Variants in DPP10 observed in about 807,000 individuals in gnomAD.
DPP10 encodes the protein inactive dipeptidyl peptidase 10.
Under a neutral mutation model 120.9 loss-of-function variants are expected in DPP10, and 33 were observed. The observed-to-expected ratio is 0.27, with a 90% CI of 0.21 to 0.37. The LOEUF is 0.37. Among genes scored for constraint, DPP10 ranks in the 10% least tolerant of loss-of-function variants. The probability of loss-of-function intolerance (pLI) is 1.00; values close to 1 mark genes in which losing one functional copy is unlikely to be tolerated. For synonymous variants in DPP10, 337 were observed against 326.1 expected (o/e 1.03, Z -0.36); for missense variants, 816 against 942.8 (o/e 0.87, Z 1.76).
intron 5 of DPP10, among the ~76,000 whole-genome samples, chr2:115,574,242 C>G (rs945825033): frequency 6.6e-6 from 1 of 152,130 alleles, no homozygotes; most frequent in Admixed American, 6.5e-5. Context: ...ATATCTCTTC[C>G]CTGAACTACC....
chr2:115,006,046 G>A (rs1273473300), intron 1 of DPP10, among the ~76,000 whole-genome samples: 1 of 152,176 alleles, frequency 6.6e-6, no homozygotes. Flanking sequence ...AGCCAGAAGA[G>A]AGTGGGGGCC....
intron 1 of DPP10, among the ~76,000 whole-genome samples, chr2:114,758,759 A>C (rs760963930): frequency 6.6e-6 from 1 of 152,218 alleles, no homozygotes; most frequent in Non-Finnish European, 1.5e-5. Flanking sequence ...GATTAATCAC[A>C]CTGAAAAATA....
intron 1 of DPP10, among the ~76,000 whole-genome samples, chr2:114,447,683 TAAAG>T (rs1185873565): frequency 6.6e-6 from 1 of 152,106 alleles, no homozygotes; most frequent in East Asian, 1.9e-4. Flanking sequence ...TCATACACAC[TAAAG>T]AAAGAGTTAC....
chr2:114,451,951 T>C (rs924132269), intron 1 of DPP10, among the ~76,000 whole-genome samples: 7 of 152,182 alleles, frequency 4.6e-5, no homozygotes, highest in Admixed American at 2.0e-4. Context: ...AAAAGGTTTG[T>C]TCATTAGCTT....
chr2:115,104,194 T>TTC (rs1553489018), intron 1 of DPP10, among the ~76,000 whole-genome samples: 1 of 130,470 alleles, frequency 7.7e-6, no homozygotes, highest in Admixed American at 8.1e-5. Flanking sequence ...TTTTTTTTTT[T>TTC]GTAAGAGACA....
At chr2:114,941,282 AG>A (rs1331687763) in intron 1 of DPP10, among the ~76,000 whole-genome samples, 1 of 152,180 alleles carries the variant, frequency 6.6e-6, no homozygotes, top group Non-Finnish European at 1.5e-5. Flanking sequence ...GTTCACTCCC[AG>A]GGTATTTGCT....
At chr2:115,292,009 G>A (rs1013912582) in intron 1 of DPP10, among the ~76,000 whole-genome samples, 7 of 152,100 alleles carry the variant, frequency 4.6e-5, no homozygotes, top group African/African-American at 1.7e-4. Context: ...AAACATTTGT[G>A]TTCTAATAGA....
At chr2:114,454,222 A>G (rs1678440303) in intron 1 of DPP10, among the ~76,000 whole-genome samples, 1 of 152,148 alleles carries the variant, frequency 6.6e-6, no homozygotes, top group Non-Finnish European at 1.5e-5. Context: ...AAGTACTCAG[A>G]TAAGGGAGGG....
intron 5 of DPP10, among the ~76,000 whole-genome samples, chr2:115,614,008 C>T (rs1183083492): frequency 6.6e-6 from 1 of 152,054 alleles, no homozygotes; most frequent in South Asian, 2.1e-4. Context: ...CATTAATTAC[C>T]AATAATTCTG....
chr2:115,508,462 C>T (rs1028611285), intron 4 of DPP10, among the ~76,000 whole-genome samples: 10 of 152,090 alleles, frequency 6.6e-5, no homozygotes, highest in South Asian at 2.1e-4. Context: ...TAAACATTTA[C>T]AATTTATGAC....
intron 5 of DPP10, among the ~76,000 whole-genome samples, chr2:115,550,027 A>C (rs993953352): frequency 6.6e-6 from 1 of 152,148 alleles, no homozygotes; most frequent in Non-Finnish European, 1.5e-5. Flanking sequence ...CCATCTATGC[A>C]GCTCAGGTAG....
rs569740012 is a variant in DPP10 at position 114,583,280 on chromosome 2, CTGACAGAAATTGGTGCCTGGCCTA to C, written c.60+140445_60+140468del. 4.0e-3 allele frequency among the ~76,000 whole-genome samples: 606 copies of C among 152,314 alleles called. 1 individual carries two copies. Among genetic ancestry groups the C allele is most frequent in the African/African-American group, 0.014 (573 of 41,560 alleles). On this transcript the variant is annotated intron_variant, in intron 1 of 25. Transcript: ENST00000410059. ...CCTGCCTTGTATTTTTGTTAACAGA[CTGACAGAAATTGGTGCCTGGCCTA>C]TGGCCTAGTGGTCTTCAGAAATGTT... is the stretch of plus-strand genomic sequence containing the variant.
intron 1 of DPP10, among the ~76,000 whole-genome samples, chr2:114,841,426 A>G (rs1178858734): frequency 6.6e-6 from 1 of 152,180 alleles, no homozygotes; most frequent in African/African-American, 2.4e-5. Flanking sequence ...GGAGAAATCC[A>G]TTGGGAAAAG....
At chr2:115,573,006 G>C (rs976978284) in intron 5 of DPP10, among the ~76,000 whole-genome samples, 7 of 152,156 alleles carry the variant, frequency 4.6e-5, no homozygotes, top group African/African-American at 1.7e-4. Flanking sequence ...TGCTGAGATA[G>C]AGTCTTGAAA....
At chr2:115,001,296 A>T (rs1207957879) in intron 1 of DPP10, among the ~76,000 whole-genome samples, 2 of 152,230 alleles carry the variant, frequency 1.3e-5, no homozygotes, top group Non-Finnish European at 2.9e-5. Flanking sequence ...GAATAAACAA[A>T]ATCAGATGAT....
intron 1 of DPP10, among the ~76,000 whole-genome samples, chr2:114,773,604 A>T (rs1466370294): frequency 6.6e-6 from 1 of 152,206 alleles, no homozygotes; most frequent in Non-Finnish European, 1.5e-5. Flanking sequence ...ACTTAAATTA[A>T]TGTCCTTTAC....
chr2:115,837,933 C>G (rs914059372), intron 24 of DPP10, among the ~76,000 whole-genome samples: 2 of 151,760 alleles, frequency 1.3e-5, no homozygotes, highest in African/African-American at 4.8e-5. Flanking sequence ...GAATGGAACC[C>G]TGGAACAGAA....
chr2:115,065,851 T>C (rs1429496763), intron 1 of DPP10, among the ~76,000 whole-genome samples: 1 of 152,154 alleles, frequency 6.6e-6, no homozygotes, highest in Non-Finnish European at 1.5e-5. Context: ...GAAACACGCA[T>C]GCCAAAAGAA....
intron 1 of DPP10, among the ~76,000 whole-genome samples, chr2:115,127,847 T>C (rs2050154455): frequency 6.6e-6 from 1 of 152,210 alleles, no homozygotes; most frequent in Admixed American, 6.5e-5. Context: ...TGAACATGTG[T>C]ACACTTCGGA....
Sources: allele counts gnomAD v4.1 joint callset (sites outside exome capture counted in the v4.1 genomes callset), GRCh38; gene constraint gnomAD v4.1.1; transcripts MANE v1.5; gene names NCBI Gene and HGNC (gene_info 2026-07-23, HGNC 2026-07-21).